Variants in PRMT9 observed in about 807,000 individuals in gnomAD.
PRMT9 encodes the protein protein arginine methyltransferase 9.
Under a neutral mutation model 83.2 loss-of-function variants are expected in PRMT9, and 59 were observed. That is an observed-to-expected ratio of 0.71 (90% confidence interval 0.57 to 0.88). The LOEUF is 0.88. Among genes scored for constraint, PRMT9 ranks in the 40% least tolerant of loss-of-function variants. The pLI is 0.00. For missense variants in PRMT9, 947 were observed against 1,021.9 expected, an observed-to-expected ratio of 0.93 and a Z score of 1.00; for synonymous variants, 333 against 353.2, an observed-to-expected ratio of 0.94 and a Z score of 0.64.
intron 6 of PRMT9, among the ~76,000 whole-genome samples, chr4:147,666,083 AATAAG>A (rs1489002903): frequency 2.6e-5 from 4 of 152,248 alleles, no homozygotes; most frequent in African/African-American, 9.6e-5. Flanking sequence ...CCTATGAGAA[AATAAG>A]ATATCAAACA....
intron 5 of PRMT9, among the ~76,000 whole-genome samples, chr4:147,669,207 A>G (rs2082306696): frequency 6.7e-6 from 1 of 150,156 alleles, no homozygotes; most frequent in Non-Finnish European, 1.5e-5. Context: ...TAGGCAACAT[A>G]GCAAGACCCT....
At chr4:147,662,106 C>T (rs1316743825) in intron 6 of PRMT9, among the ~76,000 whole-genome samples, 5 of 151,570 alleles carry the variant, frequency 3.3e-5, no homozygotes, top group Admixed American at 6.6e-5. Flanking sequence ...CTTCTGATAG[C>T]GAAAAAAAAC....
At chr4:147,671,254 A>G (rs185691052) in intron 4 of PRMT9, among the ~76,000 whole-genome samples, 1 of 152,074 alleles carries the variant, frequency 6.6e-6, no homozygotes, top group Non-Finnish European at 1.5e-5. Context: ...CTCAAAATCT[A>G]TCTCTACCTT....
chr4:147,665,617 A>C (rs552422510), intron 6 of PRMT9, among the ~76,000 whole-genome samples: 1 of 152,296 alleles, frequency 6.6e-6, no homozygotes, highest in Middle Eastern at 3.4e-3. Context: ...CCAGTACTGG[A>C]ATCAGCCATT....
intron 8 of PRMT9, 144 bp from the exon 9 acceptor site, chr4:147,654,710 C>A: frequency 1.6e-6 from 1 of 639,812 alleles, no homozygotes; most frequent in Non-Finnish European, 2.7e-6. Context: ...ATACAAAAAA[C>A]TAGGAAAACT....
At chr4:147,652,432 C>A (rs1490032158) in intron 9 of PRMT9, among the ~76,000 whole-genome samples, 3 of 150,762 alleles carry the variant, frequency 2.0e-5, no homozygotes, top group Non-Finnish European at 4.4e-5. Flanking sequence ...AGCCTGGCGA[C>A]AGGGCGAGAC....
intron 6 of PRMT9, among the ~76,000 whole-genome samples, chr4:147,665,903 AG>A (rs1735298120): frequency 6.6e-6 from 1 of 152,242 alleles, no homozygotes; most frequent in Admixed American, 6.5e-5. Flanking sequence ...ACAGTATTAT[AG>A]TGAACATCCT....
At chr4:147,673,576 G>A (rs1258625047) in intron 3 of PRMT9, 62 bp downstream of exon 3, 2 of 1,066,008 alleles carry the variant, frequency 1.9e-6, no homozygotes, top group African/African-American at 3.1e-5. Context: ...TCCATATCTG[G>A]CAAAATCTTT....
rs527449584 is a variant in PRMT9 at position 147,667,017 on chromosome 4, T to G, written c.953+1522A>C. 1.3e-3 allele frequency among the ~76,000 whole-genome samples: 195 copies of G among 152,280 alleles called. 2 individuals carry two copies. Among genetic ancestry groups the G allele is most frequent in the Admixed American group, 9.2e-4 (14 of 15,296 alleles). On this transcript the variant is annotated intron_variant, in intron 6 of 11. Transcript: ENST00000322396. ...AAAATGTAGATACCAGCCATTTAAT[T>G]TCTCCTTTGCTTAGACAAACAATAT...
chr4:147,646,102 C>A (rs1228919865), intron 9 of PRMT9, among the ~76,000 whole-genome samples: 5 of 152,204 alleles, frequency 3.3e-5, no homozygotes, highest in South Asian at 2.1e-4. Flanking sequence ...CAGCTCTTAA[C>A]CAAATTGCAA....
chr4:147,644,886 A>C (rs773435159), intron 9 of PRMT9, among the ~76,000 whole-genome samples: 1 of 152,188 alleles, frequency 6.6e-6, no homozygotes, highest in African/African-American at 2.4e-5. Context: ...AAACCAAATA[A>C]TTATTTTCAT....
At position 147,670,888 on chromosome 4, in the gene PRMT9, A is replaced by G. The variant is rs1246111837; in HGVS notation, c.744-145T>C. The stretch of plus-strand genomic sequence containing the variant: ...CTAATACATTTCATTTTTAAGATCT[A>G]CTACTGAATCTTGAGGAACTTTACT... On this transcript the variant is annotated intron_variant, in intron 4 of 11. Coordinates refer to ENST00000322396, the MANE Select transcript of PRMT9 (RefSeq NM_138364.4). 6.4e-6 allele frequency: 4 copies of G among 627,302 alleles called. No homozygotes were observed. The African/African-American group carries it at 7.3e-5, about 12-fold the overall frequency. 38.9% of individuals were successfully genotyped at this position (627,302 alleles called of 1,614,324 possible). A position where few individuals can be genotyped will look rare whatever the true frequency, so the allele number is the denominator to read the frequency against.
chr4:147,653,142 A>T (rs1320602629), intron 9 of PRMT9, among the ~76,000 whole-genome samples: 1 of 152,116 alleles, frequency 6.6e-6, no homozygotes, highest in Admixed American at 6.6e-5. Flanking sequence ...AAGCATACAG[A>T]CCTATCATTA....
rs1203514380 is a variant in PRMT9 at position 147,661,163 on chromosome 4, T to C, written c.954-125A>G. The C allele has an allele frequency of 1.7e-5, 12 of 690,568 alleles. No individual in the cohort carries two copies. In the East Asian group the frequency reaches 3.0e-4, roughly 17 times the overall value. The allele number at this position is 690,568 out of a possible 1,614,324, so 42.8% of individuals were successfully genotyped here. ...TAAAACCTCATGAGCAAAGATTTCTTAAACATAACTACATAATACACACAC... is the reference window on the plus strand; with the variant it reads ...TAAAACCTCATGAGCAAAGATTTCTCAAACATAACTACATAATACACACAC... On this transcript the variant is annotated intron_variant, in intron 6 of 11. Transcript: ENST00000322396.
Position 147,657,789 on chromosome 4 carries a change from T to C in PRMT9, c.1330+3A>G. 6.2e-7 allele frequency: 1 copy of C among 1,610,298 alleles called. No homozygotes were observed. Reference sequence around the variant, plus strand: ...GTTAAAAAAAAAAATGGACAAGACCTACCTGCAAGGTCCTGTACGGGGTAG... The same window carrying C: ...GTTAAAAAAAAAAATGGACAAGACCCACCTGCAAGGTCCTGTACGGGGTAG... On this transcript the variant is annotated splice_donor_region_variant and intron_variant, in intron 8 of 11. Transcript: ENST00000322396.
At chr4:147,667,820 G>A (rs1735442678) in intron 6 of PRMT9, among the ~76,000 whole-genome samples, 2 of 151,994 alleles carry the variant, frequency 1.3e-5, no homozygotes, top group African/African-American at 4.8e-5. Flanking sequence ...GAAGTAATTA[G>A]ACCAAAATTT....
intron 5 of PRMT9, 85 bp downstream of exon 5, chr4:147,670,556 G>T: frequency 2.1e-6 from 2 of 953,714 alleles, no homozygotes; most frequent in Non-Finnish European, 3.4e-6. Context: ...ATTTCATATT[G>T]TTTTGTAAAT....
intron 2 of PRMT9, among the ~76,000 whole-genome samples, chr4:147,679,764 C>A (rs1448853245): frequency 6.6e-6 from 1 of 152,136 alleles, no homozygotes; most frequent in Non-Finnish European, 1.5e-5. Context: ...AAAAACAGTG[C>A]TGGAGAGACA....
At position 147,660,902 on chromosome 4, in the gene PRMT9, A is replaced by G. The variant is rs765363528; in HGVS notation, c.1090T>C (p.Tyr364His). Reference protein sequence around the residue: ...TEKMSRVPGGYLALTECFEIM... With the variant: ...TEKMSRVPGGHLALTECFEIM... ...TCAAAGCACTCTGTCAAAGCCAAAT[A>G]TCCTCCAGGAACTCGACTCATCTTT... The change falls in exon 7 of 12, where the codon TAT (tyrosine) becomes CAT (histidine). Residue 364 changes from tyrosine (Y) to histidine (H), a missense_variant. Tyr to His is a moderately conservative substitution (Grantham distance 83, BLOSUM62 2). Coordinates refer to ENST00000322396, the MANE Select transcript of PRMT9 (RefSeq NM_138364.4). 3.7e-6 allele frequency: 6 copies of G among 1,613,908 alleles called. No individual in the cohort carries two copies. In the South Asian group the frequency reaches 5.5e-5, roughly 15 times the overall value.
Sources: gnomAD v4.1 joint callset for allele counts (sites outside exome capture counted in the v4.1 genomes callset) on GRCh38, gnomAD v4.1.1 for gene constraint, MANE v1.5 for transcripts, NCBI Gene and HGNC (gene_info 2026-07-23, HGNC 2026-07-21) for gene names.